TP53BP2: variants seen among roughly 807,000 people sequenced by gnomAD.
TP53BP2 encodes the protein tumor protein p53 binding protein 2.
TP53BP2 carries 62 observed loss-of-function variants against 126.2 expected under a neutral mutation model. The observed-to-expected ratio is 0.49, with a 90% CI of 0.40 to 0.61. TP53BP2 has a LOEUF of 0.61. TP53BP2 is among the 20% of genes least tolerant of loss of function. TP53BP2 has a pLI of 0.00. For synonymous variants in TP53BP2, 485 were observed against 502.9 expected, an observed-to-expected ratio of 0.96 and a Z score of 0.48; for missense variants, 1,215 against 1,402.8, an observed-to-expected ratio of 0.87 and a Z score of 2.14.
intron 5 of TP53BP2, among the ~76,000 whole-genome samples, chr1:223,806,013 G>A (rs1299144503): frequency 6.6e-6 from 1 of 152,164 alleles, no homozygotes; most frequent in Non-Finnish European, 1.5e-5. Flanking sequence ...AGTTCTGATG[G>A]TAATGGAGTG....
chr1:223,796,316 A>G lies in TP53BP2; in HGVS notation c.2223T>C (p.Arg741=). The G allele has an allele frequency of 6.2e-7, 1 of 1,614,144 alleles. No homozygotes were observed. Among genetic ancestry groups the G allele is most frequent in the African/African-American group, 1.3e-5 (1 of 75,024 alleles). The change falls in exon 13 of 18, where the codon CGT becomes CGC. Residue 741 remains arginine, a synonymous_variant. Transcript: ENST00000343537. This position sits in a 1 kb window ranked among gnomAD's most constrained non-coding sequence, Gnocchi z 4.2. The part of the protein sequence containing the change: ...LSNAPRPLKK[R]SSITEPEGPN... ...GACCCTCTGGCTCTGTAATAGAACT[A>G]CGTTTCTTTAGAGGCCTTGGTGCGT...
intron 13 of TP53BP2, 133 bp downstream of exon 13, chr1:223,795,682 T>G: frequency 2.6e-6 from 2 of 765,060 alleles, no homozygotes; most frequent in Non-Finnish European, 3.8e-6. Flanking sequence ...TATGAAAACA[T>G]TTATAAGATC....
intron 1 of TP53BP2, among the ~76,000 whole-genome samples, chr1:223,836,852 G>C (rs1663939155): frequency 6.6e-6 from 1 of 152,026 alleles, no homozygotes; most frequent in Non-Finnish European, 1.5e-5. Context: ...TGAAAGCCCA[G>C]GTCCGTGGCT....
At chr1:223,795,287 A>G (rs939290945) in intron 13 of TP53BP2, among the ~76,000 whole-genome samples, 1 of 152,238 alleles carries the variant, frequency 6.6e-6, no homozygotes, top group African/African-American at 2.4e-5. Flanking sequence ...GAGGCTGAAG[A>G]GGGGCCCCTC....
chr1:223,819,172 G>GA (rs1368413784), intron 2 of TP53BP2, among the ~76,000 whole-genome samples: 1 of 142,526 alleles, frequency 7.0e-6, no homozygotes, highest in African/African-American at 2.7e-5. Context: ...CAACAAGAGC[G>GA]AAACTCTGTC....
chr1:223,800,857 A>AT (rs1662506302), intron 9 of TP53BP2, 47 bp from the exon 10 acceptor site: 3 of 1,334,156 alleles, frequency 2.2e-6, no homozygotes, highest in African/African-American at 1.5e-5. Context: ...TTCTAAAGAG[A>AT]TTTTTAATGA....
chr1:223,786,496 C>T (rs1661957494), intron 16 of TP53BP2, among the ~76,000 whole-genome samples: 1 of 151,884 alleles, frequency 6.6e-6, no homozygotes, highest in African/African-American at 2.4e-5. Flanking sequence ...TATTCCATAT[C>T]TAAATATAGG....
rs1157082703 is a variant in TP53BP2, at chr1:223,831,466, T to TAAAA, written c.28-10103_28-10100dup. Reference sequence around the variant, plus strand: ...CACATGCACACACATATGTACCATCTAAAAAAAAAAAAAAATATATATATA... The same window carrying TAAAA: ...CACATGCACACACATATGTACCATCTAAAAAAAAAAAAAAAAAAATATATATATA... On this transcript the variant is annotated intron_variant, in intron 1 of 17. Transcript: ENST00000343537. 2.4e-3 allele frequency among the ~76,000 whole-genome samples: 105 copies of TAAAA among 43,670 alleles called. 3 individuals carry two copies. The highest frequency in any genetic ancestry group is 2.9e-3 in the Admixed American group (9 of 3,108). 28.6% of individuals were successfully genotyped at this position (43,670 alleles called of 152,430 possible). A position where few individuals can be genotyped will look rare whatever the true frequency, so the allele number is the denominator to read the frequency against.
intron 15 of TP53BP2, among the ~76,000 whole-genome samples, chr1:223,789,729 G>C (rs1457283257): frequency 6.6e-6 from 1 of 152,108 alleles, no homozygotes; most frequent in African/African-American, 2.4e-5. Context: ...CCAGAAAAGT[G>C]ACTGTAAAAT....
intron 6 of TP53BP2, among the ~76,000 whole-genome samples, chr1:223,803,726 T>G (rs1662615051): frequency 6.6e-6 from 1 of 152,222 alleles, no homozygotes; most frequent in Non-Finnish European, 1.5e-5. Context: ...TCTTTAGAAC[T>G]TTCAATTTTA....
intron 5 of TP53BP2, among the ~76,000 whole-genome samples, chr1:223,804,605 G>A (rs546326709): frequency 1.3e-5 from 2 of 152,318 alleles, no homozygotes; most frequent in South Asian, 4.1e-4. Context: ...TTCTTATGCA[G>A]CAAGGATGCA....
chr1:223,785,640 A>C (rs919534964), intron 16 of TP53BP2, among the ~76,000 whole-genome samples: 1 of 152,210 alleles, frequency 6.6e-6, no homozygotes, highest in African/African-American at 2.4e-5. Context: ...CTCCCACTTC[A>C]GCCTCCAAAG....
chr1:223,804,043 G>A, intron 6 of TP53BP2, 131 bp downstream of exon 6: 1 of 894,248 alleles, frequency 1.1e-6, no homozygotes, highest in Non-Finnish European at 1.7e-6. Context: ...CAGCTACTCA[G>A]GAGGCTGAGG....
At chr1:223,820,954 T>G (rs1380637827) in intron 2 of TP53BP2, 6 of 500,226 alleles carry the variant, frequency 1.2e-5, no homozygotes, top group African/African-American at 7.7e-5. Flanking sequence ...ACAAAGACAC[T>G]GTTGAGCACC....
At chr1:223,808,245 G>A (rs530173030) in intron 4 of TP53BP2, among the ~76,000 whole-genome samples, 57 of 152,240 alleles carry the variant, frequency 3.7e-4, no homozygotes, top group African/African-American at 1.2e-3. Flanking sequence ...CCTCAGGGCC[G>A]GGCACGGTGG....
In TP53BP2 at chr1:223,800,701, T is replaced by A; in HGVS notation, c.1335A>T (p.Gln445His). 6.3e-7 allele frequency: 1 copy of A among 1,592,656 alleles called. No individual in the cohort carries two copies. The highest frequency in any genetic ancestry group is 8.5e-7 in the Non-Finnish European group (1 of 1,173,730). Residue 445 changes from glutamine (Q) to histidine (H), a missense_variant and splice_region_variant, in exon 10 of 18, where the codon CAA (glutamine) becomes CAT (histidine). By Grantham distance (24) the Gln-to-His change is conservative. Transcript: ENST00000343537. ...AAGAGTAGCACAAATAAATCTCACC[T>A]TGATCCAGAGCATTCCCAGTGCTTT... is the stretch of plus-strand genomic sequence containing the variant. ...VPQSTGNALD[Q>H]VDDGEVPLRE...
chr1:223,779,940 A>T lies in TP53BP2; in HGVS notation c.*913T>A, dbSNP rs1661713595. On this transcript the variant is annotated 3_prime_UTR_variant, in exon 18 of 18. Transcript: ENST00000343537. ...TTATTTTAAAAACCACTTACATTGA[A>T]TCACTTAGCTGGTAAAAAACTCTTA... 1 of 152,234 alleles carries T rather than the reference A, an allele frequency of 6.6e-6. No individual in the cohort carries two copies. Among genetic ancestry groups the T allele is most frequent in the Admixed American group, 6.5e-5 (1 of 15,278 alleles). The allele number at this position is 152,234 out of a possible 1,614,324, so 9.4% of individuals were successfully genotyped here.
intron 2 of TP53BP2, chr1:223,818,084 A>G (rs1011101919): frequency 6.6e-6 from 1 of 152,462 alleles, no homozygotes; most frequent in African/African-American, 2.4e-5. Flanking sequence ...AAATATTTCT[A>G]CAGTTACTTA....
chr1:223,820,430 G>T (rs890903586), intron 2 of TP53BP2, among the ~76,000 whole-genome samples: 2 of 152,132 alleles, frequency 1.3e-5, no homozygotes, highest in Non-Finnish European at 2.9e-5. Flanking sequence ...TTCTAATCTG[G>T]TTCCTATGTA....
Sources: gnomAD v4.1 joint callset for allele counts (sites outside exome capture counted in the v4.1 genomes callset) on GRCh38, gnomAD v4.1.1 for gene constraint, Gnocchi (gnomAD v3.1) non-coding constraint, MANE v1.5 for transcripts, NCBI Gene and HGNC (gene_info 2026-07-23, HGNC 2026-07-21) for gene names.